The following FSTL4 variants were observed in gnomAD, a reference collection of about 807,000 sequenced individuals.
The protein encoded by FSTL4 is follistatin-related protein 4.
In FSTL4, 28 loss-of-function variants were observed where a neutral mutation model predicts 78.2. The observed-to-expected ratio is 0.36, with a 90% CI of 0.27 to 0.49. The LOEUF (loss-of-function observed/expected upper bound fraction) is 0.49. Among genes scored for constraint, FSTL4 ranks in the 20% least tolerant of loss-of-function variants. The pLI is 0.98. For synonymous variants in FSTL4, 422 were observed against 440.5 expected (o/e 0.96, Z 0.53); for missense variants, 922 against 1,084.9 (o/e 0.85, Z 2.11).
intron 3 of FSTL4, among the ~76,000 whole-genome samples, chr5:133,406,851 C>T (rs1756376629): frequency 6.6e-6 from 1 of 152,168 alleles, no homozygotes; most frequent in Non-Finnish European, 1.5e-5. Context: ...TGAATATATG[C>T]CCATTTTACA....
intron 3 of FSTL4, among the ~76,000 whole-genome samples, chr5:133,403,287 T>C (rs1490395616): frequency 6.6e-6 from 1 of 152,170 alleles, no homozygotes; most frequent in African/African-American, 2.4e-5. Context: ...CCGAGCCTGC[T>C]TCAGAGCGTG....
At chr5:133,484,956 T>G (rs1238734532) in intron 3 of FSTL4, among the ~76,000 whole-genome samples, 1 of 152,216 alleles carries the variant, frequency 6.6e-6, no homozygotes, top group Non-Finnish European at 1.5e-5. Context: ...AAAGGTGCCA[T>G]GCAGTTCAGA....
At chr5:133,222,115 G>A (rs1319878022) in intron 11 of FSTL4, among the ~76,000 whole-genome samples, 2 of 151,524 alleles carry the variant, frequency 1.3e-5, no homozygotes, top group African/African-American at 4.9e-5. Context: ...TGAACAAGGG[G>A]CTGACTCTAT....
the FSTL4 span, among the ~76,000 whole-genome samples, chr5:133,740,084 T>C: frequency 6.6e-6 from 1 of 152,142 alleles, no homozygotes; most frequent in Non-Finnish European, 1.5e-5. Context: ...GGTTTTGCCA[T>C]GTTGCCCAGG....
intron 4 of FSTL4, among the ~76,000 whole-genome samples, chr5:133,360,248 C>T (rs1464138297): frequency 6.6e-6 from 1 of 152,220 alleles, no homozygotes; most frequent in East Asian, 1.9e-4. Flanking sequence ...CCCACCAGCA[C>T]CTCGCTGTTC....
At chr5:133,398,731 A>G (rs969554691) in intron 4 of FSTL4, among the ~76,000 whole-genome samples, 1 of 152,144 alleles carries the variant, frequency 6.6e-6, no homozygotes, top group Non-Finnish European at 1.5e-5. Flanking sequence ...CAGTCGAGGA[A>G]AAGGCCCAGA....
At position 133,356,300 on chromosome 5, in the gene FSTL4, C is replaced by T. The variant is rs576115055; in HGVS notation, c.410-39648G>A. Among the ~76,000 whole-genome samples the T allele has an allele frequency of 1.8e-3, 278 of 152,278 alleles. 1 individual carries two copies. The highest frequency in any genetic ancestry group is 6.2e-3 in the African/African-American group (257 of 41,556). Reference sequence around the variant, plus strand: ...CATTCATGGGCTCATGGCTTGTGGGCGCCAAGACAAATTTGGGCATGCCCA... The same window carrying T: ...CATTCATGGGCTCATGGCTTGTGGGTGCCAAGACAAATTTGGGCATGCCCA... On this transcript the variant is annotated intron_variant, in intron 4 of 15. Transcript: ENST00000265342.
At chr5:133,230,032 A>AT (rs1751447399) in intron 8 of FSTL4, among the ~76,000 whole-genome samples, 1 of 152,178 alleles carries the variant, frequency 6.6e-6, no homozygotes, top group African/African-American at 2.4e-5. Context: ...CCTGATGTCT[A>AT]TGGTGCCTGT....
At chr5:133,287,992 G>A (rs1211131175) in intron 6 of FSTL4, among the ~76,000 whole-genome samples, 1 of 152,160 alleles carries the variant, frequency 6.6e-6, no homozygotes, top group African/African-American at 2.4e-5. Flanking sequence ...GACTTGCCTG[G>A]ATTTAATCCC....
chr5:133,199,780 T>C lies in FSTL4; in HGVS notation c.1844A>G (p.Asn615Ser), dbSNP rs148542400. 58 of 1,549,672 alleles carry C rather than the reference T, an allele frequency of 3.7e-5. No homozygotes were observed. Among genetic ancestry groups the C allele is most frequent in the Non-Finnish European group, 4.8e-5 (55 of 1,142,050 alleles). Residue 615 changes from asparagine to serine, a missense_variant, in exon 16 of 16, where the codon AAC (asparagine) becomes AGC (serine). Coordinates refer to ENST00000265342, the MANE Select transcript of FSTL4 (RefSeq NM_015082.2). The surrounding 1 kb of genome is among the most constrained non-coding windows in gnomAD (Gnocchi z 4.4). ...INHIRFGFIF[N>S]KSDPAVHKVD... The stretch of plus-strand genomic sequence containing the variant: ...CTTGTGGACTGCAGGATCAGACTTG[T>C]TGAAGATGAAGCCAAACCTGGGAGG...
intron 4 of FSTL4, among the ~76,000 whole-genome samples, chr5:133,346,622 C>T (rs1054098815): frequency 2.0e-5 from 3 of 151,806 alleles, no homozygotes; most frequent in Non-Finnish European, 4.4e-5. Flanking sequence ...TTTTTTCATT[C>T]CCCCCTGCTT....
chr5:133,463,721 T>A (rs915068141), intron 3 of FSTL4, among the ~76,000 whole-genome samples: 3 of 152,076 alleles, frequency 2.0e-5, no homozygotes, highest in African/African-American at 7.2e-5. Context: ...TGTCAAGGAG[T>A]TTGACTTTAA....
chr5:133,349,295 C>CTCTGTGTGTG (rs11269337), intron 4 of FSTL4, among the ~76,000 whole-genome samples: 2,016 of 139,680 alleles, frequency 0.014, 26 homozygotes, highest in African/African-American at 0.031. Flanking sequence ...GCCTCTCTCT[C>CTCTGTGTGTG]TGTGTGTGTG....
At chr5:133,218,814 A>G (rs1750998998) in intron 12 of FSTL4, among the ~76,000 whole-genome samples, 1 of 151,922 alleles carries the variant, frequency 6.6e-6, no homozygotes, top group Non-Finnish European at 1.5e-5. Context: ...TTTTCCATTT[A>G]CCACTTGACT....
intron 8 of FSTL4, among the ~76,000 whole-genome samples, chr5:133,227,910 T>G (rs1170847990): frequency 6.6e-6 from 1 of 152,180 alleles, no homozygotes; most frequent in Non-Finnish European, 1.5e-5. Context: ...AATGTGAAAG[T>G]CTCAGTGAAA....
intron 3 of FSTL4, among the ~76,000 whole-genome samples, chr5:133,531,593 A>G (rs1167603015): frequency 6.6e-6 from 1 of 152,230 alleles, no homozygotes; most frequent in East Asian, 1.9e-4. Flanking sequence ...ATGAACAGCG[A>G]TGGAGTGAGC....
At chr5:133,690,792 T>A in the FSTL4 span, among the ~76,000 whole-genome samples, 1 of 152,224 alleles carries the variant, frequency 6.6e-6, no homozygotes. Context: ...TGTCCAGCCA[T>A]CTCCAAATTC....
chr5:133,239,516 A>G (rs1465223574), intron 7 of FSTL4, among the ~76,000 whole-genome samples: 1 of 152,156 alleles, frequency 6.6e-6, no homozygotes, highest in African/African-American at 2.4e-5. Flanking sequence ...AGGTTTGTCA[A>G]CACACGAATC....
chr5:133,262,908 T>C (rs939990032), intron 6 of FSTL4, among the ~76,000 whole-genome samples: 1 of 150,438 alleles, frequency 6.6e-6, no homozygotes, highest in African/African-American at 2.5e-5. Context: ...GCTGAGGGTG[T>C]TGGGACAACA....
Sources: allele counts gnomAD v4.1 joint callset (sites outside exome capture counted in the v4.1 genomes callset), GRCh38; gene constraint gnomAD v4.1.1; non-coding constraint Gnocchi (gnomAD v3.1); transcripts MANE v1.5; gene names NCBI Gene and HGNC (gene_info 2026-07-23, HGNC 2026-07-21).